STYXL2: variants seen among roughly 807,000 people sequenced by gnomAD.
The protein encoded by STYXL2 is serine/threonine/tyrosine interacting like 2.
In STYXL2, 44 loss-of-function variants were observed where a neutral mutation model predicts 52.4. That is an observed-to-expected ratio of 0.84 (90% CI 0.66 to 1.08). The LOEUF is 1.08. STYXL2 is among the 50% of genes least tolerant of loss of function. The pLI, the probability that STYXL2 is intolerant of heterozygous loss-of-function variation, is 0.00. For missense variants in STYXL2, 1,604 were observed against 1,471.7 expected, an observed-to-expected ratio of 1.09 and a Z score of -1.47; for synonymous variants, 604 against 586.9, an observed-to-expected ratio of 1.03 and a Z score of -0.42.
chr1:167,105,679 C>T (rs1000809064), intron 2 of STYXL2, among the ~76,000 whole-genome samples: 1 of 152,222 alleles, frequency 6.6e-6, no homozygotes, highest in Non-Finnish European at 1.5e-5. Flanking sequence ...GTCTTGCCCC[C>T]ACACCTTTCT....
intron 5 of STYXL2, among the ~76,000 whole-genome samples, chr1:167,123,448 GT>G (rs1667900053): frequency 1.3e-5 from 2 of 152,210 alleles, no homozygotes; most frequent in Admixed American, 1.3e-4. Context: ...AGTTGGTCTC[GT>G]GATTCCACCT....
chr1:167,112,964 G>C (rs1395858544), intron 2 of STYXL2, among the ~76,000 whole-genome samples: 1 of 152,100 alleles, frequency 6.6e-6, no homozygotes, highest in Non-Finnish European at 1.5e-5. Flanking sequence ...GTGAACTATG[G>C]TGTGGTCCCA....
chr1:167,101,777 G>A (rs1292382858), intron 2 of STYXL2, among the ~76,000 whole-genome samples: 2 of 148,716 alleles, frequency 1.3e-5, no homozygotes. Flanking sequence ...CTTCAGCCTA[G>A]GCAACAGAGT....
intron 3 of STYXL2, among the ~76,000 whole-genome samples, chr1:167,115,916 G>C (rs868718197): frequency 1.8e-4 from 27 of 152,210 alleles, no homozygotes; most frequent in Middle Eastern, 6.8e-3. Context: ...AGAACCCAAG[G>C]CTCCCTGGAT....
intron 2 of STYXL2, among the ~76,000 whole-genome samples, chr1:167,098,674 G>T (rs1183954198): frequency 6.6e-6 from 1 of 152,180 alleles, no homozygotes; most frequent in Non-Finnish European, 1.5e-5. Context: ...CAGCTAGAGA[G>T]ATTTGAAGAC....
chr1:167,113,697 C>T lies in STYXL2; in HGVS notation c.111-13C>T, dbSNP rs757628438. 1.1e-5 allele frequency: 17 copies of T among 1,595,218 alleles called. No homozygotes were observed. The Admixed American group carries it at 2.8e-4, about 27-fold the overall frequency. ...CTACAGGCTTATCTCACGTGAATATCCTCTTCCCTTAGGTATTCGATGGTC... is the reference window on the plus strand; with the variant it reads ...CTACAGGCTTATCTCACGTGAATATTCTCTTCCCTTAGGTATTCGATGGTC... On this transcript the variant is annotated splice_polypyrimidine_tract_variant and intron_variant, in intron 2 of 5. Transcript: ENST00000361200.
At chr1:167,119,027 C>T (rs1188963784) in intron 4 of STYXL2, among the ~76,000 whole-genome samples, 1 of 152,180 alleles carries the variant, frequency 6.6e-6, no homozygotes, top group Non-Finnish European at 1.5e-5. Context: ...CTTCATCTCG[C>T]CCTTCCTTGC....
intron 2 of STYXL2, among the ~76,000 whole-genome samples, chr1:167,105,045 A>G (rs1322449332): frequency 1.4e-5 from 2 of 145,102 alleles, no homozygotes; most frequent in African/African-American, 5.8e-5. Context: ...AGTTCACAAA[A>G]CTACACTTAT....
At chr1:167,099,904 AAT>A (rs1386749765) in intron 2 of STYXL2, among the ~76,000 whole-genome samples, 6 of 152,256 alleles carry the variant, frequency 3.9e-5, no homozygotes, top group Non-Finnish European at 7.3e-5. Flanking sequence ...AGGCTAGATA[AAT>A]AGAGTCTGGC....
At chr1:167,111,338 C>T (rs1320097520) in intron 2 of STYXL2, among the ~76,000 whole-genome samples, 1 of 151,458 alleles carries the variant, frequency 6.6e-6, no homozygotes, top group African/African-American at 2.4e-5. Context: ...AGTATCTACC[C>T]AGAGGAAAAG....
chr1:167,108,428 C>T (rs1324737971), intron 2 of STYXL2, among the ~76,000 whole-genome samples: 1 of 152,152 alleles, frequency 6.6e-6, no homozygotes, highest in Non-Finnish European at 1.5e-5. Context: ...ATGAACTTTA[C>T]CCTTAATCCA....
chr1:167,102,247 T>C (rs1412803518), intron 2 of STYXL2, among the ~76,000 whole-genome samples: 1 of 152,034 alleles, frequency 6.6e-6, no homozygotes, highest in South Asian at 2.1e-4. Flanking sequence ...ATATGTCAAA[T>C]CTTGTATATT....
At chr1:167,121,550 C>T (rs1235597466) in intron 5 of STYXL2, among the ~76,000 whole-genome samples, 2 of 152,266 alleles carry the variant, frequency 1.3e-5, no homozygotes, top group Non-Finnish European at 2.9e-5. Flanking sequence ...ATGTGGAACG[C>T]ATCCCAGAAG....
chr1:167,097,536 T>A (rs1667313355), intron 2 of STYXL2, among the ~76,000 whole-genome samples: 1 of 152,122 alleles, frequency 6.6e-6, no homozygotes, highest in South Asian at 2.1e-4. Flanking sequence ...TAATTTGTAG[T>A]GTAATTGTTA....
chr1:167,113,203 C>A (rs1667653090), intron 2 of STYXL2, among the ~76,000 whole-genome samples: 1 of 152,130 alleles, frequency 6.6e-6, no homozygotes, highest in African/African-American at 2.4e-5. Flanking sequence ...GGTGCTATGC[C>A]AGTTCTTCAT....
chr1:167,102,809 G>A (rs1267039552), intron 2 of STYXL2, among the ~76,000 whole-genome samples: 3 of 152,182 alleles, frequency 2.0e-5, no homozygotes, highest in African/African-American at 4.8e-5. Flanking sequence ...TTCAGGTAAA[G>A]GTTTGAGTCT....
rs1324060575 is a variant in STYXL2 at position 167,127,868 on chromosome 1, T to C, written c.2737T>C (p.Ser913Pro). ...NSQKPETDTC[S>P]SLAVCDHYAS... is the part of the protein sequence containing the mutation. Reference sequence around the variant, plus strand: ...CCAGAAACCTGAAACAGACACATGCTCCTCCCTGGCTGTCTGTGATCACTA... The same window carrying C: ...CCAGAAACCTGAAACAGACACATGCCCCTCCCTGGCTGTCTGTGATCACTA... The change falls in exon 6 of 6, where the codon TCC becomes CCC. Residue 913 changes from serine (S) to proline (P), a missense_variant. Ser to Pro is a moderately conservative substitution (Grantham distance 74). Transcript: ENST00000361200. 1 of 1,613,746 alleles carries C rather than the reference T, an allele frequency of 6.2e-7. No individual in the cohort carries two copies. Among genetic ancestry groups the C allele is most frequent in the African/African-American group, 1.3e-5 (1 of 74,838 alleles).
chr1:167,125,650 C>T (rs1667946131), intron 5 of STYXL2, 137 bp from the exon 6 acceptor site: 11 of 1,308,984 alleles, frequency 8.4e-6, no homozygotes, highest in African/African-American at 1.7e-5. Flanking sequence ...GTCTTGAGCC[C>T]GGATGAACTT....
chr1:167,100,390 C>T (rs966650690), intron 2 of STYXL2, among the ~76,000 whole-genome samples: 2 of 152,172 alleles, frequency 1.3e-5, no homozygotes, highest in African/African-American at 4.8e-5. Flanking sequence ...TTATTAACTG[C>T]CTATCACTTT....
Sources: gnomAD v4.1 joint callset for allele counts (sites outside exome capture counted in the v4.1 genomes callset) on GRCh38, gnomAD v4.1.1 for gene constraint, MANE v1.5 for transcripts, NCBI Gene and HGNC (gene_info 2026-07-23, HGNC 2026-07-21) for gene names.